The following GYS2 variants were observed in gnomAD, a reference collection of about 807,000 sequenced individuals.
GYS2 encodes the protein glycogen [starch] synthase, liver.
GYS2 carries 80 observed loss-of-function variants against 85.6 expected under a neutral mutation model. The observed-to-expected ratio is 0.93, with a 90% confidence interval of 0.78 to 1.13. GYS2 has a LOEUF of 1.13. Among genes scored for constraint, GYS2 ranks in the 50% most tolerant of loss-of-function variants. The probability of loss-of-function intolerance (pLI) is 0.00; values close to 1 mark genes in which losing one functional copy is unlikely to be tolerated. For missense variants in GYS2, 881 were observed against 854.9 expected (o/e 1.03, Z -0.38); for synonymous variants, 328 against 300.7 (o/e 1.09, Z -0.94).
chr12:21,597,496 C>T (rs1416176526), intron 1 of GYS2, among the ~76,000 whole-genome samples: 2 of 152,164 alleles, frequency 1.3e-5, no homozygotes, highest in East Asian at 1.9e-4. Flanking sequence ...AATGAGATAT[C>T]ATCTTATGCC....
intron 11 of GYS2, among the ~76,000 whole-genome samples, chr12:21,553,987 C>T (rs1005243648): frequency 3.3e-5 from 5 of 152,152 alleles, no homozygotes; most frequent in Admixed American, 1.3e-4. Context: ...GAGTGGTCTT[C>T]GACCACTGCT....
chr12:21,537,278 C>CT (rs1943921374), intron 15 of GYS2, 103 bp from the exon 16 acceptor site: 1 of 797,368 alleles, frequency 1.3e-6, no homozygotes, highest in Admixed American at 2.0e-5. Context: ...AGTTATCTAT[C>CT]TTTTGTAGTC....
At chr12:21,546,017 A>T (rs1373940363) in intron 12 of GYS2, among the ~76,000 whole-genome samples, 1 of 152,114 alleles carries the variant, frequency 6.6e-6, no homozygotes, top group African/African-American at 2.4e-5. Context: ...CTTCACACTA[A>T]TAAATGGGGC....
chr12:21,540,327 TAG>T, intron 14 of GYS2, 81 bp downstream of exon 14: 1 of 1,143,392 alleles, frequency 8.7e-7, no homozygotes, highest in Non-Finnish European at 1.3e-6. Flanking sequence ...GGATTAACTT[TAG>T]AGATTATGAC....
chr12:21,560,574 T>C (rs1944241175), intron 7 of GYS2, 82 bp from the exon 8 acceptor site: 3 of 782,476 alleles, frequency 3.8e-6, no homozygotes, highest in Admixed American at 1.7e-5. Context: ...CATTGAAAAG[T>C]AGAGTTTTAA....
intron 3 of GYS2, among the ~76,000 whole-genome samples, chr12:21,574,695 T>C (rs1201449553): frequency 1.3e-5 from 2 of 152,122 alleles, no homozygotes; most frequent in Admixed American, 6.6e-5. Flanking sequence ...ACTGAACAGC[T>C]GAATCAATTG....
downstream of GYS2, among the ~76,000 whole-genome samples, chr12:21,535,880 CTTAA>C (rs1943905356): frequency 6.6e-6 from 1 of 152,192 alleles, no homozygotes. Flanking sequence ...CCAATTTAGA[CTTAA>C]TTACACTTAA....
chr12:21,591,887 C>A (rs1944643419), intron 1 of GYS2, among the ~76,000 whole-genome samples: 1 of 152,010 alleles, frequency 6.6e-6, no homozygotes, highest in Admixed American at 6.6e-5. Flanking sequence ...TTATACCCAG[C>A]AACATTGTTC....
intron 4 of GYS2, among the ~76,000 whole-genome samples, chr12:21,569,352 C>T (rs543865170): frequency 6.6e-6 from 1 of 152,274 alleles, no homozygotes; most frequent in Admixed American, 6.5e-5. Flanking sequence ...TAATGCCTTT[C>T]TCCAAAGTCT....
Position 21,558,992 on chromosome 12 carries a change from C to G in GYS2, c.1308+99G>C, listed in dbSNP as rs531336334. On this transcript the variant is annotated intron_variant, in intron 10 of 15. Transcript: ENST00000261195. ...AAGAATGTCTTTTCTAGCCTCAGGT[C>G]TGAAAATGTTCCAAATTAGCACATT... 1.7e-5 allele frequency: 12 copies of G among 705,126 alleles called. No homozygotes were observed. In the South Asian group the frequency reaches 2.1e-4, roughly 12 times the overall value. 43.7% of individuals were successfully genotyped at this position (705,126 alleles called of 1,614,324 possible). A position where few individuals can be genotyped will look rare whatever the true frequency, so the allele number is the denominator to read the frequency against.
At chr12:21,565,589 A>G (rs1052788045) in intron 5 of GYS2, among the ~76,000 whole-genome samples, 5 of 150,220 alleles carry the variant, frequency 3.3e-5, no homozygotes, top group Non-Finnish European at 1.5e-5. Context: ...ATGTTAAATT[A>G]GTTAAATTAA....
At chr12:21,550,683 G>A (rs980149611) in intron 11 of GYS2, among the ~76,000 whole-genome samples, 2 of 152,214 alleles carry the variant, frequency 1.3e-5, no homozygotes, top group Admixed American at 6.5e-5. Flanking sequence ...GCTCACTGCT[G>A]TAATCCCAGC....
At chr12:21,593,953 T>A (rs1340194257) in intron 1 of GYS2, among the ~76,000 whole-genome samples, 1 of 151,614 alleles carries the variant, frequency 6.6e-6, no homozygotes, top group Non-Finnish European at 1.5e-5. Context: ...CAAGAACAGT[T>A]CAAATCAATA....
chr12:21,575,297 G>T (rs766082829), intron 3 of GYS2, among the ~76,000 whole-genome samples: 1 of 152,062 alleles, frequency 6.6e-6, no homozygotes, highest in Admixed American at 6.6e-5. Flanking sequence ...GTGGGCATCC[G>T]TATCTTTGCC....
At chr12:21,556,879 T>C (rs1465801486) in intron 11 of GYS2, among the ~76,000 whole-genome samples, 1 of 152,150 alleles carries the variant, frequency 6.6e-6, no homozygotes, top group African/African-American at 2.4e-5. Context: ...CCAAATTTAT[T>C]TGTTTGATTT....
intron 13 of GYS2, among the ~76,000 whole-genome samples, chr12:21,542,221 T>C (rs1027097342): frequency 9.2e-5 from 14 of 151,916 alleles, no homozygotes; most frequent in Admixed American, 3.3e-4. Context: ...CTAATTTTTT[T>C]GTATTTTTAG....
intron 11 of GYS2, among the ~76,000 whole-genome samples, chr12:21,556,334 A>G (rs1365480932): frequency 6.6e-6 from 1 of 151,916 alleles, no homozygotes; most frequent in Non-Finnish European, 1.5e-5. Flanking sequence ...ACACCTGGCT[A>G]ATTTCTTTGT....
At chr12:21,550,770 A>G (rs1944099313) in intron 11 of GYS2, among the ~76,000 whole-genome samples, 1 of 151,998 alleles carries the variant, frequency 6.6e-6, no homozygotes, top group African/African-American at 2.4e-5. Context: ...ATGAAACCCC[A>G]TCTCCACTAA....
At chr12:21,587,200 G>A (rs373386651) in intron 1 of GYS2, among the ~76,000 whole-genome samples, 4 of 152,278 alleles carry the variant, frequency 2.6e-5, no homozygotes, top group African/African-American at 4.8e-5. Flanking sequence ...TGGGAGGATA[G>A]GAGTATGGTG....
Sources: gnomAD v4.1 joint callset for allele counts (sites outside exome capture counted in the v4.1 genomes callset) on GRCh38, gnomAD v4.1.1 for gene constraint, MANE v1.5 for transcripts, NCBI Gene and HGNC (gene_info 2026-07-23, HGNC 2026-07-21) for gene names.